PTPRT: variants seen among roughly 807,000 people sequenced by gnomAD.
The protein encoded by PTPRT is protein tyrosine phosphatase receptor type T, also known as receptor-type tyrosine-protein phosphatase T.
Under a neutral mutation model 176.8 loss-of-function variants are expected in PTPRT, and 56 were observed. That is an observed-to-expected ratio of 0.32 (90% confidence interval 0.26 to 0.40). PTPRT has a LOEUF of 0.40. Ranked by LOEUF, PTPRT falls within the 10% of genes least tolerant of loss-of-function variation. PTPRT has a pLI of 1.00. For synonymous variants in PTPRT, 783 were observed against 739.0 expected (o/e 1.06, Z -0.96); for missense variants, 1,540 against 1,908.2 (o/e 0.81, Z 3.60).
At chr20:42,711,808 C>G (rs1190737502) in intron 6 of PTPRT, among the ~76,000 whole-genome samples, 3 of 151,190 alleles carry the variant, frequency 2.0e-5, no homozygotes, top group East Asian at 1.9e-4. Flanking sequence ...TGCATCCTAT[C>G]TAGTATAGCT....
At chr20:42,366,232 A>C (rs548645124) in intron 9 of PTPRT, among the ~76,000 whole-genome samples, 13 of 152,280 alleles carry the variant, frequency 8.5e-5, no homozygotes, top group African/African-American at 3.1e-4. Context: ...CCTGACACCC[A>C]AACCAAGCCT....
intron 2 of PTPRT, among the ~76,000 whole-genome samples, chr20:42,797,020 A>G (rs1010734008): frequency 9.9e-5 from 15 of 152,222 alleles, no homozygotes; most frequent in African/African-American, 9.6e-5. Flanking sequence ...CGCTGCATGT[A>G]GGTCCTCAAA....
intron 15 of PTPRT, among the ~76,000 whole-genome samples, chr20:42,227,772 T>A (rs931959391): frequency 6.6e-6 from 1 of 151,872 alleles, no homozygotes; most frequent in Admixed American, 6.6e-5. Context: ...CATGCCTGGC[T>A]AATTTTTTGT....
At chr20:42,849,125 A>G (rs1433671610) in intron 2 of PTPRT, among the ~76,000 whole-genome samples, 1 of 152,060 alleles carries the variant, frequency 6.6e-6, no homozygotes, top group Non-Finnish European at 1.5e-5. Flanking sequence ...GGCTGTAAGT[A>G]TTTGGGCTTA....
At chr20:42,709,580 T>C (rs540673279) in intron 6 of PTPRT, among the ~76,000 whole-genome samples, 2 of 152,292 alleles carry the variant, frequency 1.3e-5, no homozygotes, top group African/African-American at 4.8e-5. Flanking sequence ...CCTTTTTTCT[T>C]TATAAATTAC....
chr20:42,634,701 GA>G (rs1459009031), intron 7 of PTPRT, among the ~76,000 whole-genome samples: 1 of 152,012 alleles, frequency 6.6e-6, no homozygotes, highest in Non-Finnish European at 1.5e-5. Context: ...CTGCTTATGT[GA>G]AGCATTATAG....
intron 11 of PTPRT, among the ~76,000 whole-genome samples, chr20:42,335,709 G>A (rs1226440367): frequency 6.6e-6 from 1 of 152,088 alleles, no homozygotes; most frequent in African/African-American, 2.4e-5. Context: ...AAAAGAAAAG[G>A]GGAAAAAGAG....
intron 7 of PTPRT, among the ~76,000 whole-genome samples, chr20:42,588,672 C>A (rs1191192873): frequency 6.6e-6 from 1 of 152,030 alleles, no homozygotes; most frequent in African/African-American, 2.4e-5. Flanking sequence ...GCACCTGGTT[C>A]CTATTTTTAA....
chr20:42,355,998 T>G (rs1315940675), intron 9 of PTPRT, among the ~76,000 whole-genome samples: 1 of 152,172 alleles, frequency 6.6e-6, no homozygotes, highest in Non-Finnish European at 1.5e-5. Flanking sequence ...TGTATGTTAA[T>G]ATAGCATGTC....
chr20:42,923,313 A>G (rs1245537772), intron 1 of PTPRT, among the ~76,000 whole-genome samples: 1 of 152,200 alleles, frequency 6.6e-6, no homozygotes, highest in African/African-American at 2.4e-5. Context: ...TCCAAAAGCA[A>G]TTTTTAAAGA....
At chr20:42,869,453 T>G (rs1468551480) in intron 2 of PTPRT, among the ~76,000 whole-genome samples, 1 of 152,200 alleles carries the variant, frequency 6.6e-6, no homozygotes, top group Admixed American at 6.5e-5. Flanking sequence ...AGCCTCGAGA[T>G]TTAATGCTGT....
chr20:43,038,022 ACTGCTTCTGTGGCT>A (rs1986452581), intron 1 of PTPRT, among the ~76,000 whole-genome samples: 44 of 151,834 alleles, frequency 2.9e-4, no homozygotes, highest in African/African-American at 9.7e-4. Context: ...TCTGACCTAA[ACTGCTTCTGTGGCT>A]ACACCTGACC....
intron 15 of PTPRT, among the ~76,000 whole-genome samples, chr20:42,212,203 C>T (rs909778335): frequency 4.2e-5 from 6 of 141,920 alleles, no homozygotes; most frequent in African/African-American, 8.0e-5. Context: ...TGCTAGATGA[C>T]GAGTTAGTGG....
the PTPRT span, among the ~76,000 whole-genome samples, chr20:42,042,800 G>C: frequency 2.6e-5 from 4 of 152,210 alleles, no homozygotes; most frequent in African/African-American, 9.6e-5. Context: ...GAAAGCTCAT[G>C]TTTCAGAATT....
At chr20:42,919,925 C>T (rs1979033870) in intron 1 of PTPRT, among the ~76,000 whole-genome samples, 1 of 152,222 alleles carries the variant, frequency 6.6e-6, no homozygotes, top group African/African-American at 2.4e-5. Context: ...ACAATACGCA[C>T]TTCCCAGCTT....
rs1166704719 is a variant in PTPRT at position 42,618,576 on chromosome 20, A to T, written c.1153+59290T>A. On this transcript the variant is annotated intron_variant, in intron 7 of 30. Coordinates refer to ENST00000373187, the MANE Select transcript of PTPRT (RefSeq NM_007050.6). Reference sequence around the variant, plus strand: ...CCCATTATTAATGTGTGGGAGTCTAAGTCTCTTTGTAGGTCACTCAGGACT... The same window carrying T: ...CCCATTATTAATGTGTGGGAGTCTATGTCTCTTTGTAGGTCACTCAGGACT... 6.2e-5 allele frequency among the ~76,000 whole-genome samples: 8 copies of T among 129,692 alleles called. 2 individuals carry two copies. The highest frequency in any genetic ancestry group is 9.5e-5 in the Non-Finnish European group (6 of 63,042). The allele number at this position is 129,692 out of a possible 152,430, so 85.1% of individuals were successfully genotyped here.
chr20:42,649,994 C>T (rs2075000187), intron 7 of PTPRT, among the ~76,000 whole-genome samples: 1 of 152,160 alleles, frequency 6.6e-6, no homozygotes. Context: ...AAGGCCCCAC[C>T]CTCCACCACT....
At chr20:42,842,221 T>C (rs918747785) in intron 2 of PTPRT, among the ~76,000 whole-genome samples, 1 of 152,244 alleles carries the variant, frequency 6.6e-6, no homozygotes, top group Admixed American at 6.5e-5. Flanking sequence ...TGGAAGTGGT[T>C]TTTATGGTGG....
chr20:42,163,161 G>A (rs1346377906), intron 16 of PTPRT, among the ~76,000 whole-genome samples: 2 of 152,102 alleles, frequency 1.3e-5, no homozygotes, highest in Non-Finnish European at 2.9e-5. Context: ...AATCTGACTG[G>A]TCTGACTTTG....
Sources: allele counts gnomAD v4.1 joint callset (sites outside exome capture counted in the v4.1 genomes callset), GRCh38; gene constraint gnomAD v4.1.1; transcripts MANE v1.5; gene names NCBI Gene and HGNC (gene_info 2026-07-23, HGNC 2026-07-21).